CPB1: variants seen among roughly 807,000 people sequenced by gnomAD.
CPB1 encodes carboxypeptidase B1.
CPB1 carries 53 observed loss-of-function variants against 51.4 expected under a neutral mutation model. The ratio of observed to expected loss-of-function variants is 1.03; its 90% CI spans 0.83 to 1.30. The LOEUF is 1.30. Ranked by LOEUF, CPB1 falls within the 50% of genes most tolerant of loss-of-function variation. The pLI, the probability that CPB1 is intolerant of heterozygous loss-of-function variation, is 0.00. For missense variants in CPB1, 494 were observed against 516.2 expected (o/e 0.96, Z 0.42); for synonymous variants, 189 against 186.9 (o/e 1.01, Z -0.09).
intron 9 of CPB1, 84 bp from the exon 10 acceptor site, chr3:148,857,373 G>A (rs1713610629): frequency 9.7e-7 from 1 of 1,034,884 alleles, no homozygotes; most frequent in Non-Finnish European, 1.5e-6. Context: ...TACATGCTTT[G>A]AATGCCTTAA....
intron 6 of CPB1, among the ~76,000 whole-genome samples, chr3:148,842,633 A>G (rs1713117942): frequency 6.6e-6 from 1 of 152,234 alleles, no homozygotes. Flanking sequence ...TCATCACTAG[A>G]ACATCACAGC....
chr3:148,834,643 T>C (rs769705070), intron 3 of CPB1, 21 bp downstream of exon 3: 5 of 1,592,042 alleles, frequency 3.1e-6, no homozygotes, highest in Admixed American at 1.7e-5. Flanking sequence ...GTTTTATAAA[T>C]ATTAAAATTC....
At chr3:148,844,618 T>A (rs762180005) in intron 7 of CPB1, 30 bp downstream of exon 7, 2 of 1,610,672 alleles carry the variant, frequency 1.2e-6, no homozygotes, top group Admixed American at 3.3e-5. Flanking sequence ...GAGAGGCTGA[T>A]GAAATTAAAA....
At chr3:148,834,965 T>C (rs1463809659) in intron 3 of CPB1, among the ~76,000 whole-genome samples, 1 of 152,222 alleles carries the variant, frequency 6.6e-6, no homozygotes, top group African/African-American at 2.4e-5. Flanking sequence ...CCAAATCTTA[T>C]CAGCTCTTCT....
chr3:148,857,073 T>TTTTTTG (rs762740975), intron 9 of CPB1: 7,613 of 152,748 alleles, frequency 0.05, 360 homozygotes, highest in African/African-American at 0.097. Flanking sequence ...TTTTTTTTTT[T>TTTTTTG]TTTTTTTTTT....
chr3:148,857,985 G>A (rs939015049), intron 10 of CPB1, among the ~76,000 whole-genome samples: 2 of 152,116 alleles, frequency 1.3e-5, no homozygotes, highest in Non-Finnish European at 2.9e-5. Context: ...CACTTACTAT[G>A]TGCCAGGGCC....
intron 9 of CPB1, chr3:148,850,913 T>C (rs774530725): frequency 2.0e-5 from 3 of 152,174 alleles, no homozygotes; most frequent in Non-Finnish European, 2.9e-5. Flanking sequence ...AGACAAAAAT[T>C]TTAAATGACA....
chr3:148,850,826 C>G (rs1376321665), intron 9 of CPB1: 1 of 152,180 alleles, frequency 6.6e-6, no homozygotes, highest in African/African-American at 2.4e-5. Flanking sequence ...TGCTTCCAGG[C>G]AGGCTTAGGT....
chr3:148,847,731 A>G (rs903009321), intron 9 of CPB1, among the ~76,000 whole-genome samples: 7 of 152,198 alleles, frequency 4.6e-5, no homozygotes, highest in African/African-American at 1.7e-4. Context: ...CAAAAGGAGA[A>G]AAAGCACAAG....
chr3:148,827,923 C>T (rs1291722670), intron 1 of CPB1, 29 bp downstream of exon 1: 4 of 1,611,294 alleles, frequency 2.5e-6, no homozygotes, highest in Non-Finnish European at 3.4e-6. Context: ...AGGAGCAAGT[C>T]CTTCTTCCTT....
At chr3:148,846,797 G>GTGTGTGTGTGTGTATA (rs1364486523) in intron 9 of CPB1, among the ~76,000 whole-genome samples, 75 of 50,464 alleles carry the variant, frequency 1.5e-3, no homozygotes, top group Middle Eastern at 0.013. Flanking sequence ...GTGTGCGTGT[G>GTGTGTGTGTGTGTATA]TATATATATA....
chr3:148,828,400 C>G (rs1712635400), intron 2 of CPB1, among the ~76,000 whole-genome samples: 1 of 152,166 alleles, frequency 6.6e-6, no homozygotes, highest in Non-Finnish European at 1.5e-5. Context: ...AAATGATCAA[C>G]TTGGATATTA....
intron 2 of CPB1, among the ~76,000 whole-genome samples, chr3:148,830,745 G>A (rs73010187): frequency 2.0e-5 from 3 of 151,970 alleles, no homozygotes; most frequent in Non-Finnish European, 4.4e-5. Flanking sequence ...AGTAGTAATA[G>A]AATAAACAAG....
chr3:148,828,170 C>A (rs776669437), intron 2 of CPB1, 93 bp downstream of exon 2: 26 of 1,015,992 alleles, frequency 2.6e-5, no homozygotes, highest in Non-Finnish European at 3.4e-5. Flanking sequence ...GAAATATTAA[C>A]TATAGCATTT....
At chr3:148,858,198 C>T (rs1713641628) in intron 10 of CPB1, among the ~76,000 whole-genome samples, 1 of 152,096 alleles carries the variant, frequency 6.6e-6, no homozygotes, top group Non-Finnish European at 1.5e-5. Context: ...CCAACCAACC[C>T]CACAGTATCA....
rs1405507966 is a variant in CPB1 at position 148,841,910 on chromosome 3, T to C, written c.562T>C (p.Trp188Arg). 1 of 1,613,276 alleles carries C rather than the reference T, an allele frequency of 6.2e-7. No individual in the cohort carries two copies. Among genetic ancestry groups the C allele is most frequent in the South Asian group, 1.1e-5 (1 of 91,036 alleles). ...REWISPAFCQ[W>R]FVREAVRTYG... ...GTGGATTTCTCCTGCATTCTGCCAG[T>C]GGTTTGTAAGAGAGGTCAGTGTGTA... Residue 188 changes from tryptophan (W) to arginine (R), a missense_variant, in exon 6 of 11, where the codon TGG becomes CGG. Trp to Arg is a moderately radical substitution (Grantham distance 101, BLOSUM62 -3). Transcript: ENST00000282957.
intron 9 of CPB1, chr3:148,851,334 C>CAAAAAAAAAA (rs59423779): frequency 8.5e-5 from 7 of 82,072 alleles, no homozygotes; most frequent in African/African-American, 9.3e-5. Flanking sequence ...GACCCTGTCT[C>CAAAAAAAAAA]AAAAAAAAAA....
At position 148,836,613 on chromosome 3, in the gene CPB1, A is replaced by G. The variant is rs116234600; in HGVS notation, c.272+1991A>G. Among the ~76,000 whole-genome samples the G allele has an allele frequency of 3.3e-3, 507 of 152,338 alleles. 2 individuals are homozygous for G. The highest frequency in any genetic ancestry group is 0.011 in the African/African-American group (476 of 41,576). Reference sequence around the variant, plus strand: ...GTGGTGAACTTTTTGGGAATTGTGTATGAATGTTGTCTCATCTAGAACATA... The same window carrying G: ...GTGGTGAACTTTTTGGGAATTGTGTGTGAATGTTGTCTCATCTAGAACATA... On this transcript the variant is annotated intron_variant, in intron 3 of 10. Coordinates refer to ENST00000282957, the MANE Select transcript of CPB1 (RefSeq NM_001871.3).
intron 9 of CPB1, chr3:148,852,055 G>A (rs1339441788): frequency 6.6e-6 from 1 of 152,172 alleles, no homozygotes; most frequent in African/African-American, 2.4e-5. Flanking sequence ...TGGTCAGTCT[G>A]TATTTTTTGC....
Sources: allele counts gnomAD v4.1 joint callset (sites outside exome capture counted in the v4.1 genomes callset), GRCh38; gene constraint gnomAD v4.1.1; transcripts MANE v1.5; gene names NCBI Gene and HGNC (gene_info 2026-07-23, HGNC 2026-07-21).